PYROXD2: variants seen among roughly 807,000 people sequenced by gnomAD.
PYROXD2 encodes pyridine nucleotide-disulfide oxidoreductase domain-containing protein 2.
Under a neutral mutation model 71.1 loss-of-function variants are expected in PYROXD2, and 69 were observed. The ratio of observed to expected loss-of-function variants is 0.97; its 90% confidence interval spans 0.80 to 1.19. PYROXD2 has a LOEUF of 1.19. PYROXD2 is among the 50% of genes most tolerant of loss of function. The probability of loss-of-function intolerance (pLI) is 0.00; values close to 1 mark genes in which losing one functional copy is unlikely to be tolerated. For missense variants in PYROXD2, 745 were observed against 748.9 expected, an observed-to-expected ratio of 0.99 and a Z score of 0.06; for synonymous variants, 287 against 302.7, an observed-to-expected ratio of 0.95 and a Z score of 0.54.
chr10:98,397,391 C>T lies in PYROXD2; in HGVS notation c.579G>A (p.Leu193=), dbSNP rs1415500397. The T allele has an allele frequency of 2.5e-6, 4 of 1,612,802 alleles. No individual in the cohort carries two copies. The highest frequency in any genetic ancestry group is 3.4e-6 in the Non-Finnish European group (4 of 1,179,308). Residue 193 remains leucine, a synonymous_variant, in exon 6 of 16, where the codon CTG becomes CTA. Coordinates refer to ENST00000370575, the MANE Select transcript of PYROXD2 (RefSeq NM_032709.3). ...DMAAFQHGSL[L]QRMRSLSTLK... The stretch of plus-strand genomic sequence containing the variant: ...GGGTGGAGAGCGACCTCATCCTTTG[C>T]AGCAAGGAGCCATGCTGGAAGGCCG...
chr10:98,410,821 T>C (rs1843759460), intron 2 of PYROXD2, 118 bp downstream of exon 2: 5 of 1,457,616 alleles, frequency 3.4e-6, no homozygotes, highest in Non-Finnish European at 4.7e-6. Flanking sequence ...TCGACTAGGC[T>C]GCCTTTTCCT....
At position 98,410,931 on chromosome 10, in the gene PYROXD2, G is replaced by A. The variant is rs1360417984; in HGVS notation, c.147+8C>T. 2 of 1,563,554 alleles carry A rather than the reference G, an allele frequency of 1.3e-6. No individual in the cohort carries two copies. Among genetic ancestry groups the A allele is most frequent in the East Asian group, 4.7e-5 (2 of 42,616 alleles). Reference sequence around the variant, plus strand: ...CAGTGAAGTGGGATCAAGTGGGGAGGTACTCACAGCCACCAGTCCGTTGTG... The same window carrying A: ...CAGTGAAGTGGGATCAAGTGGGGAGATACTCACAGCCACCAGTCCGTTGTG... On this transcript the variant is annotated splice_region_variant and intron_variant, in intron 2 of 15. Transcript: ENST00000370575.
intron 14 of PYROXD2, among the ~76,000 whole-genome samples, chr10:98,385,851 T>G (rs1349519468): frequency 6.6e-6 from 1 of 152,240 alleles, no homozygotes; most frequent in Non-Finnish European, 1.5e-5. Context: ...GCCCCATGCC[T>G]GCTGTACCCA....
At chr10:98,394,362 C>T (rs1199434524) in intron 8 of PYROXD2, among the ~76,000 whole-genome samples, 2 of 152,220 alleles carry the variant, frequency 1.3e-5, no homozygotes, top group Non-Finnish European at 2.9e-5. Context: ...TGCTGCCAAG[C>T]CCCCATCTCC....
At chr10:98,409,749 G>A (rs1286678100) in intron 2 of PYROXD2, among the ~76,000 whole-genome samples, 1 of 152,186 alleles carries the variant, frequency 6.6e-6, no homozygotes, top group Non-Finnish European at 1.5e-5. Context: ...CCTTCACAAA[G>A]TGGCAGAGCT....
chr10:98,409,803 C>T (rs1472527363), intron 2 of PYROXD2, among the ~76,000 whole-genome samples: 2 of 152,142 alleles, frequency 1.3e-5, no homozygotes, highest in South Asian at 2.1e-4. Context: ...TCAGGCCGGG[C>T]GTGGTGGTTC....
At position 98,396,631 on chromosome 10, in the gene PYROXD2, C is replaced by T. The variant is rs923942773; in HGVS notation, c.625+714G>A. ...GCTGAGCCCAAATCTAGCATTCTTC[C>T]TGTATGGGGGCAGCTCTTCAAATCT... On this transcript the variant is annotated intron_variant, in intron 6 of 15. Coordinates refer to ENST00000370575, the MANE Select transcript of PYROXD2 (RefSeq NM_032709.3). 1.4e-4 allele frequency among the ~76,000 whole-genome samples: 22 copies of T among 152,188 alleles called. 1 individual carries two copies.
At chr10:98,414,937 C>T in intron 1 of PYROXD2, 72 bp downstream of exon 1, 4 of 1,559,906 alleles carry the variant, frequency 2.6e-6, no homozygotes, top group South Asian at 2.4e-5. Flanking sequence ...CCCCCTCCCC[C>T]TCCCCACCAA....
rs1025670055 is a variant in PYROXD2 at position 98,392,596 on chromosome 10, A to G, written c.928-30T>C. The G allele has an allele frequency of 3.7e-6, 6 of 1,605,798 alleles. No homozygotes were observed. The Admixed American group carries it at 1.0e-4, about 27-fold the overall frequency. ...AGCCCACCAGAACAAGGCCCCAGAA[A>G]CCGCAGGAAGGGAAATCCATGTTAG... On this transcript the variant is annotated intron_variant, in intron 9 of 15. Transcript: ENST00000370575.
In PYROXD2 at chr10:98,388,416, G is replaced by T; in HGVS notation, c.1385C>A (p.Pro462His). 3.1e-6 allele frequency: 5 copies of T among 1,613,654 alleles called. No homozygotes were observed. The highest frequency in any genetic ancestry group is 4.2e-6 in the Non-Finnish European group (5 of 1,179,896). Residue 462 changes from proline to histidine, a missense_variant, in exon 13 of 16, where the codon CCC (proline) becomes CAC (histidine). Pro to His is a moderately conservative substitution (Grantham distance 77). Transcript: ENST00000370575. ...GGCCTTGCCTCCAGCCAGCGTATAG[G>T]GCATGTACTGAGTGAAGAGGGAGAC... ...HVVSLFTQYM[P>H]YTLAGGKAWD... is the part of the protein sequence containing the mutation.
At chr10:98,408,198 T>C (rs1372743531) in intron 2 of PYROXD2, among the ~76,000 whole-genome samples, 1 of 152,186 alleles carries the variant, frequency 6.6e-6, no homozygotes, top group Non-Finnish European at 1.5e-5. Context: ...CTTTTCTAGA[T>C]GTCCTCTAAG....
chr10:98,399,015 C>T (rs1056771705), intron 5 of PYROXD2, among the ~76,000 whole-genome samples: 17 of 152,078 alleles, frequency 1.1e-4, no homozygotes, highest in Non-Finnish European at 1.5e-4. Flanking sequence ...GTGGTGAATG[C>T]CTGTAATCCC....
rs552656159 is a variant in PYROXD2 at position 98,385,053 on chromosome 10, G to A, written c.1569C>T (p.Cys523=). 4.3e-5 allele frequency: 70 copies of A among 1,613,722 alleles called. No homozygotes were observed. Among genetic ancestry groups the A allele is most frequent in the Middle Eastern group, 1.6e-4 (1 of 6,074 alleles). The change falls in exon 15 of 16, where the codon TGC becomes TGT. Residue 523 remains cysteine (C), a synonymous_variant. Coordinates refer to ENST00000370575, the MANE Select transcript of PYROXD2 (RefSeq NM_032709.3). ...AGTAGAGCTGGTCCAGGGACATGGC[G>A]CAGTGGAATATGTTCTGCAGAGGCA... ...FGLPGGNIFH[C]AMSLDQLYFA...
chr10:98,408,465 T>C (rs1255254532), intron 2 of PYROXD2, among the ~76,000 whole-genome samples: 3 of 152,212 alleles, frequency 2.0e-5, no homozygotes, highest in Admixed American at 6.5e-5. Context: ...CTGATCCGTC[T>C]GGCCTCAGTT....
intron 4 of PYROXD2, among the ~76,000 whole-genome samples, chr10:98,405,282 G>T (rs1243516906): frequency 6.6e-6 from 1 of 152,214 alleles, no homozygotes; most frequent in Non-Finnish European, 1.5e-5. Context: ...GCAGGCCCTG[G>T]TGGGGACCAC....
At chr10:98,397,530 G>C (rs1480705164) in intron 5 of PYROXD2, 32 bp from the exon 6 acceptor site, 1 of 1,547,778 alleles carries the variant, frequency 6.5e-7, no homozygotes, top group Non-Finnish European at 8.8e-7. Flanking sequence ...AGGCCCCACT[G>C]TCCACATCCC....
At chr10:98,414,806 G>C in intron 1 of PYROXD2, 1 of 679,690 alleles carries the variant, frequency 1.5e-6, no homozygotes, top group Non-Finnish European at 2.3e-6. Flanking sequence ...CCACACAGCA[G>C]AGCCAGCACC....
At chr10:98,407,531 G>T in intron 4 of PYROXD2, 51 bp downstream of exon 4, 2 of 1,605,216 alleles carry the variant, frequency 1.2e-6, no homozygotes, top group South Asian at 1.1e-5. Context: ...AGGTTGGGAA[G>T]ATGGAACTGC....
chr10:98,412,144 A>ATT (rs1843808158), intron 1 of PYROXD2, among the ~76,000 whole-genome samples: 1 of 152,278 alleles, frequency 6.6e-6, no homozygotes, highest in East Asian at 1.9e-4. Flanking sequence ...AATGGGAGCT[A>ATT]TTTGTCTTTT....
Sources: allele counts gnomAD v4.1 joint callset (sites outside exome capture counted in the v4.1 genomes callset), GRCh38; gene constraint gnomAD v4.1.1; transcripts MANE v1.5; gene names NCBI Gene and HGNC (gene_info 2026-07-23, HGNC 2026-07-21).